HERC4: variants seen among roughly 807,000 people sequenced by gnomAD.
HERC4 encodes the protein HECT and RLD domain containing E3 ubiquitin protein ligase 4.
Under a neutral mutation model 124.3 loss-of-function variants are expected in HERC4, and 28 were observed. The observed-to-expected ratio is 0.23, with a 90% CI of 0.17 to 0.31. The LOEUF is 0.31. Ranked by LOEUF, HERC4 falls within the 10% of genes least tolerant of loss-of-function variation. The pLI, the probability that HERC4 is intolerant of heterozygous loss-of-function variation, is 1.00. For missense variants in HERC4, 713 were observed against 1,229.3 expected, an observed-to-expected ratio of 0.58 and a Z score of 6.28; for synonymous variants, 407 against 421.5, an observed-to-expected ratio of 0.97 and a Z score of 0.42.
chr10:67,930,531 G>A (rs895464578), intron 23 of HERC4, among the ~76,000 whole-genome samples: 1 of 152,050 alleles, frequency 6.6e-6, no homozygotes, highest in Admixed American at 6.6e-5. Flanking sequence ...TATCCCCATC[G>A]GCAACATATA....
intron 9 of HERC4, among the ~76,000 whole-genome samples, chr10:68,011,592 A>C (rs1269325175): frequency 6.6e-6 from 1 of 152,214 alleles, no homozygotes; most frequent in African/African-American, 2.4e-5. Flanking sequence ...AAATCTTTTT[A>C]CTGAGCGGTG....
intron 23 of HERC4, among the ~76,000 whole-genome samples, chr10:67,925,413 T>C (rs1417658076): frequency 2.0e-5 from 3 of 152,192 alleles, no homozygotes; most frequent in Non-Finnish European, 4.4e-5. Flanking sequence ...GATAGGATCA[T>C]ACTATCATCT....
At chr10:68,029,753 T>C (rs2039098509) in intron 7 of HERC4, among the ~76,000 whole-genome samples, 1 of 149,948 alleles carries the variant, frequency 6.7e-6, no homozygotes, top group South Asian at 2.1e-4. Flanking sequence ...TTTGTTTTTT[T>C]TTTTTGAGAC....
intron 4 of HERC4, chr10:68,039,636 T>C: frequency 7.3e-7 from 1 of 1,371,432 alleles, no homozygotes; most frequent in Non-Finnish European, 9.4e-7. Context: ...ATCCAACAAA[T>C]TAGCAGGATC....
chr10:68,030,619 AG>A (rs1189913243), intron 7 of HERC4, among the ~76,000 whole-genome samples: 1 of 152,198 alleles, frequency 6.6e-6, no homozygotes, highest in Non-Finnish European at 1.5e-5. Context: ...ACTTCATTAC[AG>A]GGATGTACCA....
At chr10:68,063,399 G>A (rs1330581134) in intron 3 of HERC4, among the ~76,000 whole-genome samples, 6 of 151,848 alleles carry the variant, frequency 4.0e-5, no homozygotes, top group Admixed American at 6.6e-5. Flanking sequence ...TAGTAGAGAC[G>A]GGGTCTCACT....
At chr10:67,963,906 C>T (rs914241612) in intron 16 of HERC4, among the ~76,000 whole-genome samples, 9 of 152,036 alleles carry the variant, frequency 5.9e-5, no homozygotes, top group African/African-American at 2.2e-4. Flanking sequence ...TCAAGTCTTG[C>T]TGAGGGAAGG....
chr10:68,029,324 C>T (rs1001696253), intron 7 of HERC4, among the ~76,000 whole-genome samples: 2 of 152,118 alleles, frequency 1.3e-5, no homozygotes, highest in African/African-American at 2.4e-5. Context: ...AACCCCATCT[C>T]TACTAAAAAT....
chr10:67,925,582 T>G (rs1001110942), intron 23 of HERC4, among the ~76,000 whole-genome samples: 10 of 152,162 alleles, frequency 6.6e-5, no homozygotes, highest in Non-Finnish European at 1.2e-4. Context: ...AATATGGTAC[T>G]AAGCAACACT....
intron 21 of HERC4, 56 bp downstream of exon 21, chr10:67,939,532 C>A: frequency 8.5e-7 from 1 of 1,181,404 alleles, no homozygotes; most frequent in East Asian, 2.4e-5. Context: ...TAAGACACGG[C>A]TGTTAAATAA....
rs540894 is a variant in HERC4 at position 68,021,093 on chromosome 10, C to T, written c.908+4453G>A. Among the ~76,000 whole-genome samples the T allele has an allele frequency of 8.7e-3, 1,323 of 152,174 alleles. 28 individuals are homozygous for T. The highest frequency in any genetic ancestry group is 0.029 in the African/African-American group (1,221 of 41,494). On this transcript the variant is annotated intron_variant, in intron 8 of 24. Coordinates refer to ENST00000373700, the MANE Select transcript of HERC4 (RefSeq NM_015601.4). Reference sequence around the variant, plus strand: ...GACATGAATCTAAACATCCATAAGCCCCAATGAATTCTACGCAGGATAAAC... The same window carrying T: ...GACATGAATCTAAACATCCATAAGCTCCAATGAATTCTACGCAGGATAAAC...
At chr10:67,932,834 C>A (rs1360165469) in intron 22 of HERC4, 54 bp from the exon 23 acceptor site, 2 of 1,466,092 alleles carry the variant, frequency 1.4e-6, no homozygotes, top group Non-Finnish European at 1.8e-6. Context: ...TATGAAGAAT[C>A]CATAATGTAG....
chr10:67,954,629 T>A lies in HERC4; in HGVS notation c.2303A>T (p.Tyr768Phe), dbSNP rs147180638. 6.2e-7 allele frequency: 1 copy of A among 1,613,448 alleles called. No homozygotes were observed. ...AAACCAAATGAGCCTGGAATCTTCA[T>A]AATACCTAAACATGCCGTATTTAGG... ...LDPKYGMFRYYEDSRLIWFSD... is the reference protein window; with the variant it reads ...LDPKYGMFRYFEDSRLIWFSD... Residue 768 changes from tyrosine (Y) to phenylalanine (F), a missense_variant, in exon 19 of 25, where the codon TAT becomes TTT. Physicochemically the swap from Tyr to Phe is conservative, Grantham distance 22 (BLOSUM62 3). Coordinates refer to ENST00000373700, the MANE Select transcript of HERC4 (RefSeq NM_015601.4).
At chr10:68,038,248 T>C in intron 4 of HERC4, 79 bp from the exon 5 acceptor site, 1 of 672,636 alleles carries the variant, frequency 1.5e-6, no homozygotes, top group South Asian at 2.5e-5. Context: ...TGTTATTTAT[T>C]GATGGCCTAC....
intron 22 of HERC4, among the ~76,000 whole-genome samples, chr10:67,933,355 A>C (rs2032023056): frequency 6.6e-6 from 1 of 151,860 alleles, no homozygotes; most frequent in South Asian, 2.1e-4. Context: ...ATATACAATC[A>C]CTTCTGATTC....
intron 9 of HERC4, chr10:68,010,210 T>G: frequency 2.8e-6 from 3 of 1,073,622 alleles, no homozygotes; most frequent in Non-Finnish European, 4.1e-6. Context: ...CACCTCAGTT[T>G]GAATGCATGG....
intron 15 of HERC4, among the ~76,000 whole-genome samples, chr10:67,979,581 T>C (rs552688774): frequency 3.9e-5 from 6 of 152,002 alleles, no homozygotes; most frequent in African/African-American, 1.4e-4. Context: ...GATATCAATA[T>C]CCAAGTAGAA....
At chr10:68,056,363 C>T (rs867376707) in intron 3 of HERC4, among the ~76,000 whole-genome samples, 2 of 152,132 alleles carry the variant, frequency 1.3e-5, no homozygotes, top group Non-Finnish European at 2.9e-5. Flanking sequence ...ATTCAACAAC[C>T]CTGCCCTGAG....
intron 22 of HERC4, among the ~76,000 whole-genome samples, chr10:67,935,305 C>G (rs1013866279): frequency 1.3e-5 from 2 of 152,204 alleles, no homozygotes; most frequent in African/African-American, 4.8e-5. Context: ...TCCACCACAC[C>G]TGGCTAATTT....
Sources: allele counts gnomAD v4.1 joint callset (sites outside exome capture counted in the v4.1 genomes callset), GRCh38; gene constraint gnomAD v4.1.1; transcripts MANE v1.5; gene names NCBI Gene and HGNC (gene_info 2026-07-23, HGNC 2026-07-21).